CEP112: variants seen among roughly 807,000 people sequenced by gnomAD.
The protein encoded by CEP112 is centrosomal protein 112, also known as centrosomal protein of 112 kDa.
A neutral mutation model predicts 153.0 loss-of-function variants in CEP112; 127 were observed. That is an observed-to-expected ratio of 0.83 (90% CI 0.72 to 0.96). CEP112 has a LOEUF of 0.96. Ranked by LOEUF, CEP112 falls within the 40% of genes least tolerant of loss-of-function variation. The pLI is 0.00. For missense variants in CEP112, 1,089 were observed against 1,101.2 expected (o/e 0.99, Z 0.16); for synonymous variants, 358 against 374.4 (o/e 0.96, Z 0.51).
At chr17:65,990,334 A>G (rs2063551148) in intron 17 of CEP112, among the ~76,000 whole-genome samples, 1 of 152,260 alleles carries the variant, frequency 6.6e-6, no homozygotes, top group Admixed American at 6.5e-5. Context: ...ACCAAAACTC[A>G]GGTGAGCAAT....
chr17:65,785,788 T>A (rs546908874), intron 21 of CEP112, among the ~76,000 whole-genome samples: 1 of 152,228 alleles, frequency 6.6e-6, no homozygotes, highest in East Asian at 1.9e-4. Context: ...AAAAGTTTTA[T>A]AGTTTTACCA....
intron 4 of CEP112, among the ~76,000 whole-genome samples, chr17:66,170,473 T>C (rs376728696): frequency 2.0e-5 from 3 of 152,130 alleles, no homozygotes; most frequent in South Asian, 2.1e-4. Context: ...GTCAAGAAAA[T>C]AGGCAGATAG....
In CEP112 at chr17:65,778,042, C is replaced by T. The variant is rs372106149; in HGVS notation, c.2395-27318G>A. On this transcript the variant is annotated intron_variant, in intron 21 of 26. Transcript: ENST00000535342. Reference sequence around the variant, plus strand: ...CAATCATTAGCCCATCTCTAATGTGCCCTGGACCTCTATGGTGACTGTCCT... The same window carrying T: ...CAATCATTAGCCCATCTCTAATGTGTCCTGGACCTCTATGGTGACTGTCCT... 1.1e-4 allele frequency among the ~76,000 whole-genome samples: 17 copies of T among 152,168 alleles called. No homozygotes were observed. In the East Asian group the frequency reaches 2.3e-3, roughly 21 times the overall value.
intron 4 of CEP112, among the ~76,000 whole-genome samples, chr17:66,141,908 G>T (rs1167165736): frequency 6.6e-6 from 1 of 152,128 alleles, no homozygotes; most frequent in Non-Finnish European, 1.5e-5. Context: ...AGAGGGATTT[G>T]CTGGATCATA....
intron 4 of CEP112, among the ~76,000 whole-genome samples, chr17:66,152,369 T>C (rs781081483): frequency 1.1e-4 from 17 of 152,232 alleles, no homozygotes; most frequent in Non-Finnish European, 2.2e-4. Context: ...GTGAGTAATA[T>C]AGCTAAGAAG....
At position 65,744,112 on chromosome 17, in the gene CEP112, A is replaced by G. The variant is rs117503409; in HGVS notation, c.2458-895T>C. Among the ~76,000 whole-genome samples, 1,062 of 152,096 alleles carry G rather than the reference A, an allele frequency of 7.0e-3. 12 individuals are homozygous for G. Among genetic ancestry groups the G allele is most frequent in the Middle Eastern group, 0.051 (15 of 292 alleles). Reference sequence around the variant, plus strand: ...ACAGAGGCACAGAAAGAGGACAAATACCTTACGTTGTTGAAAATGACATCC... The same window carrying G: ...ACAGAGGCACAGAAAGAGGACAAATGCCTTACGTTGTTGAAAATGACATCC... On this transcript the variant is annotated intron_variant, in intron 22 of 26. Coordinates refer to ENST00000535342, the MANE Select transcript of CEP112 (RefSeq NM_001199165.4).
chr17:66,051,565 A>G (rs2066442781), intron 12 of CEP112, among the ~76,000 whole-genome samples: 2 of 152,118 alleles, frequency 1.3e-5, no homozygotes, highest in Admixed American at 6.5e-5. Flanking sequence ...GTCTGACCCT[A>G]AAGTCCAGGT....
intron 6 of CEP112, among the ~76,000 whole-genome samples, chr17:66,124,769 T>C (rs2069764105): frequency 6.6e-6 from 1 of 152,158 alleles, no homozygotes; most frequent in South Asian, 2.1e-4. Flanking sequence ...CAGTGATTCT[T>C]CATATTCCAA....
At chr17:65,909,651 C>A (rs573789764) in intron 19 of CEP112, among the ~76,000 whole-genome samples, 2 of 152,044 alleles carry the variant, frequency 1.3e-5, no homozygotes, top group African/African-American at 4.8e-5. Context: ...ATAGGGAAAA[C>A]TGAAAATTGT....
At chr17:66,181,156 G>A (rs2072703895) in intron 2 of CEP112, among the ~76,000 whole-genome samples, 1 of 151,948 alleles carries the variant, frequency 6.6e-6, no homozygotes, top group African/African-American at 2.4e-5. Flanking sequence ...GTAAAATAAT[G>A]GGAAAACCCA....
intron 17 of CEP112, among the ~76,000 whole-genome samples, chr17:65,992,575 C>A (rs1404401259): frequency 1.3e-5 from 2 of 152,132 alleles, no homozygotes; most frequent in Non-Finnish European, 2.9e-5. Context: ...TCTAAAATTT[C>A]TGCTTACTCC....
At chr17:65,911,311 TCAA>T (rs766564698) in intron 19 of CEP112, among the ~76,000 whole-genome samples, 2 of 152,168 alleles carry the variant, frequency 1.3e-5, no homozygotes, top group East Asian at 1.9e-4. Context: ...GTTATAAACT[TCAA>T]CAATGTATAA....
At chr17:66,117,789 A>G (rs910923804) in intron 6 of CEP112, among the ~76,000 whole-genome samples, 4 of 152,232 alleles carry the variant, frequency 2.6e-5, no homozygotes, top group Admixed American at 6.5e-5. Flanking sequence ...AATGACCAAA[A>G]TACATAAAGA....
chr17:65,815,155 A>T (rs1343443024), intron 21 of CEP112, among the ~76,000 whole-genome samples: 5 of 151,706 alleles, frequency 3.3e-5, no homozygotes, highest in Non-Finnish European at 7.4e-5. Flanking sequence ...TTATACTTGC[A>T]GCATTTATGT....
intron 21 of CEP112, among the ~76,000 whole-genome samples, chr17:65,762,022 A>G (rs1306175653): frequency 6.6e-6 from 1 of 151,912 alleles, no homozygotes; most frequent in African/African-American, 2.4e-5. Context: ...AGATTCATCT[A>G]TTTCTCCTTG....
intron 20 of CEP112, among the ~76,000 whole-genome samples, chr17:65,882,347 G>C (rs2059112346): frequency 6.6e-6 from 1 of 152,206 alleles, no homozygotes; most frequent in Non-Finnish European, 1.5e-5. Flanking sequence ...ATCTTCAACA[G>C]CTAGCAATGT....
intron 21 of CEP112, among the ~76,000 whole-genome samples, chr17:65,775,418 G>A (rs552167329): frequency 6.6e-6 from 1 of 151,934 alleles, no homozygotes; most frequent in East Asian, 1.9e-4. Context: ...TTTTTATCAC[G>A]GTTTTCCCCA....
At chr17:65,960,764 C>G (rs755220682) in intron 18 of CEP112, among the ~76,000 whole-genome samples, 1 of 152,112 alleles carries the variant, frequency 6.6e-6, no homozygotes, top group Non-Finnish European at 1.5e-5. Context: ...GGAGGCAGAA[C>G]CCACAGATAC....
chr17:65,972,764 T>C (rs2062890322), intron 17 of CEP112, among the ~76,000 whole-genome samples: 2 of 152,174 alleles, frequency 1.3e-5, no homozygotes, highest in African/African-American at 4.8e-5. Flanking sequence ...AAAAATAATT[T>C]TTGTTTTGTT....
Sources: gnomAD v4.1 joint callset for allele counts (sites outside exome capture counted in the v4.1 genomes callset) on GRCh38, gnomAD v4.1.1 for gene constraint, MANE v1.5 for transcripts, NCBI Gene and HGNC (gene_info 2026-07-23, HGNC 2026-07-21) for gene names.